ZNG1E: variants seen among roughly 807,000 people sequenced by gnomAD.
The protein encoded by ZNG1E is zinc-regulated GTPase metalloprotein activator 1E.
chr9:65,722,497 ATGTT>A, the ZNG1E span, among the ~76,000 whole-genome samples: 2 of 75,536 alleles, frequency 2.6e-5, no homozygotes, highest in Non-Finnish European at 5.0e-5. Context: ...GTACAATTCA[ATGTT>A]TGGGTTTTGT....
the ZNG1E span, among the ~76,000 whole-genome samples, chr9:65,709,887 T>G: frequency 6.6e-6 from 1 of 151,690 alleles, no homozygotes. Flanking sequence ...GATGGCTGGG[T>G]CAAATGGTAT....
the ZNG1E span, among the ~76,000 whole-genome samples, chr9:65,714,885 A>G: frequency 0.046 from 6,582 of 142,678 alleles, 16 homozygotes; most frequent in Admixed American, 0.059. Context: ...GGTGGAGCCT[A>G]CAGAGGCAGG....
the ZNG1E span, among the ~76,000 whole-genome samples, chr9:65,720,978 A>G: frequency 1.3e-5 from 2 of 150,826 alleles, no homozygotes; most frequent in East Asian, 3.9e-4. Context: ...ATGGTAAAAA[A>G]AAAAAAAAAA....
chr9:65,658,116 A>AAC, the ZNG1E span, among the ~76,000 whole-genome samples: 404 of 129,242 alleles, frequency 3.1e-3, 7 homozygotes, highest in African/African-American at 9.9e-3. Flanking sequence ...AAAAAAAAAA[A>AAC]CTTATGTTCC....
the ZNG1E span, among the ~76,000 whole-genome samples, chr9:65,674,905 G>A: frequency 7.1e-6 from 1 of 140,798 alleles, no homozygotes; most frequent in East Asian, 2.1e-4. Context: ...TGGAACAATT[G>A]AGAGGAAATG....
the ZNG1E span, among the ~76,000 whole-genome samples, chr9:65,660,737 TACA>T: frequency 6.7e-6 from 1 of 149,570 alleles, no homozygotes; most frequent in Non-Finnish European, 1.5e-5. Flanking sequence ...CAATTGATAC[TACA>T]ACATCAATTT....
At chr9:65,728,587 A>G in the ZNG1E span, among the ~76,000 whole-genome samples, 1 of 148,598 alleles carries the variant, frequency 6.7e-6, no homozygotes, top group Non-Finnish European at 1.5e-5. Flanking sequence ...GCTACTATGA[A>G]CACCTTTACA....
the ZNG1E span, among the ~76,000 whole-genome samples, chr9:65,686,556 A>C: frequency 6.6e-6 from 1 of 152,008 alleles, no homozygotes; most frequent in Non-Finnish European, 1.5e-5. Context: ...GAATGGCTTG[A>C]ACCCGGGAGG....
At chr9:65,694,111 C>A in the ZNG1E span, among the ~76,000 whole-genome samples, 2 of 150,680 alleles carry the variant, frequency 1.3e-5, no homozygotes, top group African/African-American at 4.9e-5. Flanking sequence ...ATTACAGTTT[C>A]ACGCAGAAAA....
At chr9:65,718,781 A>T in the ZNG1E span, among the ~76,000 whole-genome samples, 1 of 14,378 alleles carries the variant, frequency 7.0e-5, no homozygotes, top group Middle Eastern at 0.029. Context: ...AAAAATTGTT[A>T]TAAGATTACA....
the ZNG1E span, chr9:65,679,602 T>C: frequency 3.0e-6 from 1 of 334,224 alleles, no homozygotes; most frequent in Non-Finnish European, 5.6e-6. Context: ...GTCGCCAGGC[T>C]GGAGTGCAGT....
chr9:65,713,552 TG>T, the ZNG1E span, among the ~76,000 whole-genome samples: 1 of 151,714 alleles, frequency 6.6e-6, no homozygotes, highest in Non-Finnish European at 1.5e-5. Flanking sequence ...GCAAGCCTGG[TG>T]GTGACAAAAT....
At chr9:65,710,954 CA>C in the ZNG1E span, among the ~76,000 whole-genome samples, 1 of 145,590 alleles carries the variant, frequency 6.9e-6, no homozygotes, top group African/African-American at 2.6e-5. Flanking sequence ...GTAGTATGGC[CA>C]TTTTCACGAT....
the ZNG1E span, among the ~76,000 whole-genome samples, chr9:65,687,735 T>C: frequency 2.9e-3 from 437 of 151,072 alleles, no homozygotes; most frequent in African/African-American, 0.01. Context: ...TTTATTATTT[T>C]GGGACATCTA....
At chr9:65,664,138 T>C in the ZNG1E span, among the ~76,000 whole-genome samples, 2 of 152,072 alleles carry the variant, frequency 1.3e-5, no homozygotes, top group East Asian at 1.9e-4. Flanking sequence ...TCAGTACATA[T>C]AAAAAATACA....
chr9:65,715,363 T>TC, the ZNG1E span, among the ~76,000 whole-genome samples: 1 of 150,930 alleles, frequency 6.6e-6, no homozygotes, highest in Non-Finnish European at 1.5e-5. Context: ...GTCTTCTGCG[T>TC]CTCTCACGCT....
the ZNG1E span, among the ~76,000 whole-genome samples, chr9:65,655,720 C>T: frequency 6.8e-6 from 1 of 147,960 alleles, no homozygotes; most frequent in African/African-American, 2.5e-5. Context: ...CTTGGCCTCC[C>T]AAAGTGCTGG....
At chr9:65,686,630 A>T in the ZNG1E span, among the ~76,000 whole-genome samples, 1 of 152,204 alleles carries the variant, frequency 6.6e-6, no homozygotes, top group Non-Finnish European at 1.5e-5. Context: ...GCGAGACTCC[A>T]TCTCAAAATA....
the ZNG1E span, chr9:65,690,933 A>G: frequency 6.3e-7 from 1 of 1,595,078 alleles, no homozygotes; most frequent in East Asian, 2.2e-5. Context: ...GTGTGAAGAA[A>G]TATTTTTATT....
Sources: gnomAD v4.1 joint callset for allele counts (sites outside exome capture counted in the v4.1 genomes callset) on GRCh38, gnomAD v4.1.1 for gene constraint, MANE v1.5 for transcripts, NCBI Gene and HGNC (gene_info 2026-07-23, HGNC 2026-07-21) for gene names.